LRP1: variants seen among roughly 807,000 people sequenced by gnomAD.
LRP1 encodes LDL receptor related protein 1.
A neutral mutation model predicts 541.5 loss-of-function variants in LRP1; 51 were observed. The ratio of observed to expected loss-of-function variants is 0.09; its 90% confidence interval spans 0.08 to 0.12. The LOEUF (loss-of-function observed/expected upper bound fraction) is 0.12. Ranked by LOEUF, LRP1 falls within the 10% of genes least tolerant of loss-of-function variation. The pLI, the probability that LRP1 is intolerant of heterozygous loss-of-function variation, is 1.00. For synonymous variants in LRP1, 2,219 were observed against 2,470.8 expected (o/e 0.90, Z 3.02); for missense variants, 3,878 against 6,376.2 (o/e 0.61, Z 13.34).
At position 57,200,825 on chromosome 12, in the gene LRP1, T is replaced by TGGGGGGGG. The variant is rs1246106526; in HGVS notation, c.10225+11_10225+12insGGGGGGGG. On this transcript the variant is annotated intron_variant, in intron 64 of 88. Coordinates refer to ENST00000243077, the MANE Select transcript of LRP1 (RefSeq NM_002332.3). ...GACGAGGCCAACTGTGGTAAGGCGC[T>TGGGGGGGG]GCCCGCCCACCCTCCCTCCTTCCCC... 3.1e-5 allele frequency: 49 copies of TGGGGGGGG among 1,595,572 alleles called. No homozygotes were observed. The highest frequency in any genetic ancestry group is 3.9e-5 in the Non-Finnish European group (45 of 1,166,502).
chr12:57,180,293 G>C (rs369892185), intron 31 of LRP1, 37 bp from the exon 32 acceptor site: 4 of 1,611,042 alleles, frequency 2.5e-6, no homozygotes, highest in Non-Finnish European at 3.4e-6. Context: ...CCCCAGCCCT[G>C]GGCCAGACTC....
rs201097198 is a variant in LRP1 at position 57,143,699 on chromosome 12, C to G, written c.349C>G (p.Arg117Gly). Residue 117 changes from arginine to glycine, a missense_variant, in exon 4 of 89, where the codon CGC becomes GGC. Physicochemically the swap from Arg to Gly is moderately radical, Grantham distance 125. Coordinates refer to ENST00000243077, the MANE Select transcript of LRP1 (RefSeq NM_002332.3). The stretch of plus-strand genomic sequence containing the variant: ...CACAGAGCTCCAAGGCAACTGCTCT[C>G]GCCTGGGCTGCCAGCACCATTGTGT... ...HCRELQGNCS[R>G]LGCQHHCVPT... The G allele has an allele frequency of 5.6e-6, 9 of 1,614,038 alleles. No individual in the cohort carries two copies. The Admixed American group carries it at 1.3e-4, about 24-fold the overall frequency.
intron 13 of LRP1, among the ~76,000 whole-genome samples, chr12:57,161,357 G>A (rs1592620558): frequency 6.6e-6 from 1 of 152,082 alleles, no homozygotes; most frequent in Non-Finnish European, 1.5e-5. Context: ...GTGTCTATTC[G>A]TGTTGTCTGT....
rs932596757 is a variant in LRP1, at chr12:57,173,599, C to A, written c.3347-181C>A. On this transcript the variant is annotated intron_variant, in intron 21 of 88. Coordinates refer to ENST00000243077, the MANE Select transcript of LRP1 (RefSeq NM_002332.3). The surrounding 1 kb of genome is among the most constrained non-coding windows in gnomAD (Gnocchi z 4.7). ...CAGAGTTGAGCTTCAGCACCTCCTGCTGCAGATTCCTGCCTTGTTTGTTGC... is the reference window on the plus strand; with the variant it reads ...CAGAGTTGAGCTTCAGCACCTCCTGATGCAGATTCCTGCCTTGTTTGTTGC... Among the ~76,000 whole-genome samples the A allele has an allele frequency of 6.6e-6, 1 of 152,218 alleles. No homozygotes were observed. The highest frequency in any genetic ancestry group is 2.4e-5 in the African/African-American group (1 of 41,468).
intron 78 of LRP1, 21 bp downstream of exon 78, chr12:57,208,838 G>A (rs753032034): frequency 6.3e-7 from 1 of 1,595,982 alleles, no homozygotes; most frequent in South Asian, 1.1e-5. Context: ...CAGGGTGCAG[G>A]AGGGACGGGC....
In LRP1 at chr12:57,206,370, G is replaced by C. The variant is rs556955456; in HGVS notation, c.11591-103G>C. On this transcript the variant is annotated intron_variant, in intron 75 of 88. Transcript: ENST00000243077. This position sits in a 1 kb window ranked among gnomAD's most constrained non-coding sequence, Gnocchi z 4.7. ...GCAGCAGCTTCTGGCCGGAGCAGAT[G>C]GTCCTACCAGGAGATGGGACAGTGT... is the stretch of plus-strand genomic sequence containing the variant. The C allele has an allele frequency of 6.5e-6, 8 of 1,221,508 alleles. No individual in the cohort carries two copies. Among genetic ancestry groups the C allele is most frequent in the African/African-American group, 1.5e-5 (1 of 67,422 alleles). 75.7% of individuals were successfully genotyped at this position (1,221,508 alleles called of 1,614,324 possible).
In LRP1 at chr12:57,197,652, G is replaced by C; in HGVS notation, c.9270G>C (p.Gly3090=). The C allele has an allele frequency of 6.2e-7, 1 of 1,613,838 alleles. No individual in the cohort carries two copies. Among genetic ancestry groups the C allele is most frequent in the Non-Finnish European group, 8.5e-7 (1 of 1,179,960 alleles). The change falls in exon 58 of 89, where the codon GGG becomes GGC. Residue 3090 remains glycine, a synonymous_variant. Transcript: ENST00000243077. The surrounding 1 kb of genome is among the most constrained non-coding windows in gnomAD (Gnocchi z 4.5). ...TGATCCGAAGGATGCACCTTAACGG[G>C]AGCAATGTGCAGGTGAGGCGGGCGG... ...GSMIRRMHLN[G]SNVQVLHRTG... is the part of the protein sequence containing the mutation.
rs781289453 is a variant in LRP1 at position 57,203,485 on chromosome 12, A to T, written c.10915A>T (p.Met3639Leu). The T allele has an allele frequency of 6.4e-7, 1 of 1,571,910 alleles. No individual in the cohort carries two copies. The change falls in exon 70 of 89, where the codon ATG (methionine) becomes TTG (leucine). Residue 3639 changes from methionine (M) to leucine (L), a missense_variant. Coordinates refer to ENST00000243077, the MANE Select transcript of LRP1 (RefSeq NM_002332.3). ...GCGCTGTGACGCAGACGCCGACTGC[A>T]TGGACGGCAGCGACGAGGAGGCCTG... ...RWRCDADADC[M>L]DGSDEEACGT...
Position 57,178,629 on chromosome 12 carries a change from C to A in LRP1, c.4606+26C>A. ...GTAAGGGGCTCGGGGCCTCGAGCAG[C>A]CGGAAGGGAGCCAGCAGCCTCTTTA... On this transcript the variant is annotated intron_variant, in intron 27 of 88. Coordinates refer to ENST00000243077, the MANE Select transcript of LRP1 (RefSeq NM_002332.3). This position sits in a 1 kb window ranked among gnomAD's most constrained non-coding sequence, Gnocchi z 5.8. 6.2e-7 allele frequency: 1 copy of A among 1,613,262 alleles called. No individual in the cohort carries two copies. The highest frequency in any genetic ancestry group is 8.5e-7 in the Non-Finnish European group (1 of 1,179,412).
In LRP1 at chr12:57,177,587, G is replaced by A; in HGVS notation, c.4357G>A (p.Ala1453Thr). The A allele has an allele frequency of 6.2e-7, 1 of 1,613,664 alleles. No homozygotes were observed. Among genetic ancestry groups the A allele is most frequent in the Non-Finnish European group, 8.5e-7 (1 of 1,179,862 alleles). ...GGAGAAGCGCATCCTTTGGATTGACGCCAGGTCAGCACCCTCTGTGCCCTG... is the reference window on the plus strand; with the variant it reads ...GGAGAAGCGCATCCTTTGGATTGACACCAGGTCAGCACCCTCTGTGCCCTG... Reference protein sequence around the residue: ...YLEKRILWIDARSDAIYSARY... With the variant: ...YLEKRILWIDTRSDAIYSARY... The change falls in exon 26 of 89, where the codon GCC (alanine) becomes ACC (threonine). Residue 1453 changes from alanine to threonine, a missense_variant. By Grantham distance (58) the Ala-to-Thr change is moderately conservative. This residue lies in a region of LRP1 where 54 missense variants were observed against 167.7 expected (regional missense o/e 0.32). Transcript: ENST00000243077. This position sits in a 1 kb window ranked among gnomAD's most constrained non-coding sequence, Gnocchi z 6.8.
At position 57,173,139 on chromosome 12, in the gene LRP1, T is replaced by A. The variant is rs905792558; in HGVS notation, c.3164-29T>A. The A allele has an allele frequency of 3.8e-6, 6 of 1,573,228 alleles. No homozygotes were observed. In the South Asian group the frequency reaches 5.8e-5, roughly 15 times the overall value. On this transcript the variant is annotated intron_variant, in intron 20 of 88. Coordinates refer to ENST00000243077, the MANE Select transcript of LRP1 (RefSeq NM_002332.3). This position sits in a 1 kb window ranked among gnomAD's most constrained non-coding sequence, Gnocchi z 4.7. ...AGGGCTGACCTGGGCAACCCCTCCC[T>A]CCTGAGGCCCTCCACTGTCCCTCTG... is the stretch of plus-strand genomic sequence containing the variant.
rs767306923 is a variant in LRP1 at position 57,199,294 on chromosome 12, C to T, written c.9759C>T (p.Ser3253=). 4.3e-6 allele frequency: 7 copies of T among 1,613,786 alleles called. No individual in the cohort carries two copies. In the South Asian group the frequency reaches 6.6e-5, roughly 15 times the overall value. The part of the protein sequence containing the change: ...YVYWTDWETK[S]INRAHKTTGT... ...ACTGGACCGACTGGGAAACAAAGTC[C>T]ATTAACCGAGCCCACAAGACCACGG... Residue 3253 remains serine (S), a synonymous_variant, in exon 61 of 89, where the codon TCC becomes TCT. Transcript: ENST00000243077.
At position 57,195,510 on chromosome 12, in the gene LRP1, G is replaced by A. The variant is rs141861874; in HGVS notation, c.8437+111G>A. 883 of 1,570,266 alleles carry A rather than the reference G, an allele frequency of 5.6e-4. 5 individuals carry two copies. In the African/African-American group the frequency reaches 0.01, roughly 18 times the overall value. ...GAAATGCCTCAGCGGGGTCCACTGG[G>A]GGCGGAGCCATAGCTGTAGCCCAGG... On this transcript the variant is annotated intron_variant, in intron 52 of 88. Coordinates refer to ENST00000243077, the MANE Select transcript of LRP1 (RefSeq NM_002332.3).
intron 68 of LRP1, 176 bp from the exon 69 acceptor site, chr12:57,203,005 C>T (rs2036688534): frequency 1.7e-6 from 1 of 596,432 alleles, no homozygotes; most frequent in Middle Eastern, 4.4e-4. Flanking sequence ...CGCCTGTGCC[C>T]AGCTGTTCCA....
At position 57,179,195 on chromosome 12, in the gene LRP1, C is replaced by T. The variant is rs1201806227; in HGVS notation, c.4739-134C>T. On this transcript the variant is annotated intron_variant, in intron 28 of 88. Coordinates refer to ENST00000243077, the MANE Select transcript of LRP1 (RefSeq NM_002332.3). The surrounding 1 kb of genome is among the most constrained non-coding windows in gnomAD (Gnocchi z 6.8). ...CTGCAGGTCTGCCAGGGGGGCTGCA[C>T]CCAGCGGGGTATGTCCACGGAGCCA... The T allele has an allele frequency of 2.7e-5, 32 of 1,171,978 alleles. No individual in the cohort carries two copies. The highest frequency in any genetic ancestry group is 2.5e-4 in the South Asian group (17 of 68,206). 72.6% of individuals were successfully genotyped at this position (1,171,978 alleles called of 1,614,324 possible). A position where few individuals can be genotyped will look rare whatever the true frequency, so the allele number is the denominator to read the frequency against.
Position 57,154,633 on chromosome 12 carries a change from T to C in LRP1, c.1159T>C (p.Tyr387His). 6.2e-7 allele frequency: 1 copy of C among 1,600,338 alleles called. No individual in the cohort carries two copies. The highest frequency in any genetic ancestry group is 8.5e-7 in the Non-Finnish European group (1 of 1,173,014). The change falls in exon 8 of 89, where the codon TAT becomes CAT. Residue 387 changes from tyrosine (Y) to histidine (H), a missense_variant. Tyr to His is a moderately conservative substitution (Grantham distance 83). Around this residue, in one of 13 missense-constraint regions of LRP1, gnomAD observed 496 missense variants for 861.0 expected, o/e 0.58. Coordinates refer to ENST00000243077, the MANE Select transcript of LRP1 (RefSeq NM_002332.3). This position sits in a 1 kb window ranked among gnomAD's most constrained non-coding sequence, Gnocchi z 4.6. Reference protein sequence around the residue: ...VSRLVYWADAYLDYIEVVDYE... With the variant: ...VSRLVYWADAHLDYIEVVDYE... ...CCGCCTTGTCTACTGGGCAGATGCC[T>C]ATCTGGACTATATTGAAGTGGTGGA...
At chr12:57,131,176 T>A (rs1272644426) in intron 1 of LRP1, among the ~76,000 whole-genome samples, 3 of 152,186 alleles carry the variant, frequency 2.0e-5, no homozygotes, top group Non-Finnish European at 2.9e-5. Flanking sequence ...TTCCTCCTGC[T>A]ATCACAGCCT....
Position 57,188,707 on chromosome 12 carries a change from C to T in LRP1, c.7031+1251C>T, listed in dbSNP as rs570586770. Reference sequence around the variant, plus strand: ...CCAGGGGATTCCATCACGCATTCAGCGAGTGGCTTTTGAGGGCAAAGAAGG... The same window carrying T: ...CCAGGGGATTCCATCACGCATTCAGTGAGTGGCTTTTGAGGGCAAAGAAGG... On this transcript the variant is annotated intron_variant, in intron 42 of 88. Transcript: ENST00000243077. Among the ~76,000 whole-genome samples, 14 of 152,298 alleles carry T rather than the reference C, an allele frequency of 9.2e-5. No homozygotes were observed. The East Asian group carries it at 2.1e-3, about 23-fold the overall frequency.
At position 57,185,994 on chromosome 12, in the gene LRP1, C is replaced by A; in HGVS notation, c.6841+86C>A. The A allele has an allele frequency of 2.1e-6, 3 of 1,433,116 alleles. No individual in the cohort carries two copies. Among genetic ancestry groups the A allele is most frequent in the Non-Finnish European group, 9.3e-7 (1 of 1,073,540 alleles). The allele number at this position is 1,433,116 out of a possible 1,614,324, so 88.8% of individuals were successfully genotyped here. A position where few individuals can be genotyped will look rare whatever the true frequency, so the allele number is the denominator to read the frequency against. On this transcript the variant is annotated intron_variant, in intron 41 of 88. Transcript: ENST00000243077. This position sits in a 1 kb window ranked among gnomAD's most constrained non-coding sequence, Gnocchi z 4.9. Reference sequence around the variant, plus strand: ...TCTTAGACCCCAGCCAGGCACTCTACCCTAGGTCTGAATCCCAGCAGCTAC... The same window carrying A: ...TCTTAGACCCCAGCCAGGCACTCTAACCTAGGTCTGAATCCCAGCAGCTAC...
Sources: allele counts gnomAD v4.1 joint callset (sites outside exome capture counted in the v4.1 genomes callset), GRCh38; gene constraint gnomAD v4.1.1; regional missense constraint gnomAD v4.1.1; non-coding constraint Gnocchi (gnomAD v3.1); transcripts MANE v1.5; gene names NCBI Gene and HGNC (gene_info 2026-07-23, HGNC 2026-07-21).